NSD3: variants seen among roughly 807,000 people sequenced by gnomAD.
NSD3 encodes the protein nuclear receptor binding SET domain protein 3, also known as histone-lysine N-methyltransferase NSD3.
In NSD3, 24 loss-of-function variants were observed where a neutral mutation model predicts 160.8. The ratio of observed to expected loss-of-function variants is 0.15; its 90% CI spans 0.11 to 0.21. The LOEUF (loss-of-function observed/expected upper bound fraction) is 0.21. NSD3 is among the 10% of genes least tolerant of loss of function. NSD3 has a pLI of 1.00. For synonymous variants in NSD3, 520 were observed against 600.0 expected, an observed-to-expected ratio of 0.87 and a Z score of 1.95; for missense variants, 1,157 against 1,735.9, an observed-to-expected ratio of 0.67 and a Z score of 5.93.
Position 38,357,118 on chromosome 8 carries a change from C to CAAAAAAAAAAAAAA in NSD3, c.-44-8917_-44-8904dup, listed in dbSNP as rs966483645. On this transcript the variant is annotated intron_variant, in intron 1 of 23. Transcript: ENST00000317025. Reference sequence around the variant, plus strand: ...TGGGTGACAAAGCAAGACACCATCTCAAAAAAAAAAAAAAAAAAAAAAAAA... The same window carrying CAAAAAAAAAAAAAA: ...TGGGTGACAAAGCAAGACACCATCTCAAAAAAAAAAAAAAAAAAAAAAAAAAAAAAAAAAAAAAA... Among the ~76,000 whole-genome samples, 5 of 21,318 alleles carry CAAAAAAAAAAAAAA rather than the reference C, an allele frequency of 2.3e-4. 1 individual carries two copies. Among genetic ancestry groups the CAAAAAAAAAAAAAA allele is most frequent in the Non-Finnish European group, 3.3e-4 (4 of 12,082 alleles). 14.0% of individuals were successfully genotyped at this position (21,318 alleles called of 152,430 possible). A position where few individuals can be genotyped will look rare whatever the true frequency, so the allele number is the denominator to read the frequency against.
chr8:38,317,316 G>C lies in NSD3; in HGVS notation c.1856-1274C>G. The C allele has an allele frequency of 9.4e-7, 1 of 1,058,208 alleles. No individual in the cohort carries two copies. Among genetic ancestry groups the C allele is most frequent in the Non-Finnish European group, 1.1e-6 (1 of 874,680 alleles). 65.6% of individuals were successfully genotyped at this position (1,058,208 alleles called of 1,614,324 possible). A position where few individuals can be genotyped will look rare whatever the true frequency, so the allele number is the denominator to read the frequency against. On this transcript the variant is annotated intron_variant, in intron 9 of 23. Transcript: ENST00000317025. The surrounding 1 kb of genome is among the most constrained non-coding windows in gnomAD (Gnocchi z 5.3). Reference sequence around the variant, plus strand: ...TGTTAATGCTGATTAAAAAACACAAGTACACAAATCTATCTCCTTCATTGC... The same window carrying C: ...TGTTAATGCTGATTAAAAAACACAACTACACAAATCTATCTCCTTCATTGC...
intron 4 of NSD3, among the ~76,000 whole-genome samples, chr8:38,333,472 T>C (rs1810119543): frequency 6.6e-6 from 1 of 152,230 alleles, no homozygotes; most frequent in Non-Finnish European, 1.5e-5. Context: ...AAAATAGAAT[T>C]GTGATCCAAA....
intron 1 of NSD3, among the ~76,000 whole-genome samples, chr8:38,372,796 G>A (rs558293224): frequency 2.8e-4 from 41 of 148,054 alleles, no homozygotes; most frequent in African/African-American, 9.7e-4. Flanking sequence ...GCGCCCGGCC[G>A]CAGGTTCTTA....
rs180689072 is a variant in NSD3, at chr8:38,279,565, T to C, written c.3735A>G (p.Leu1245=). The C allele has an allele frequency of 2.7e-5, 44 of 1,613,974 alleles. No homozygotes were observed. Among genetic ancestry groups the C allele is most frequent in the African/African-American group, 8.0e-5 (6 of 74,900 alleles). ...CTGCAGGAATATCACAGAGAGCAAATAGTCCCACTCGAACATCTCCATTCA... is the reference window on the plus strand; with the variant it reads ...CTGCAGGAATATCACAGAGAGCAAACAGTCCCACTCGAACATCTCCATTCA... ...WTVNGDVRVG[L]FALCDIPAGM... Residue 1245 remains leucine, a synonymous_variant, in exon 21 of 24, where the codon CTA becomes CTG. Transcript: ENST00000317025.
At position 38,347,923 on chromosome 8, in the gene NSD3, T is replaced by C. The variant is rs562928589; in HGVS notation, c.249A>G (p.Gln83=). The C allele has an allele frequency of 3.7e-6, 6 of 1,614,120 alleles. No homozygotes were observed. The highest frequency in any genetic ancestry group is 4.2e-6 in the Non-Finnish European group (5 of 1,180,042). ...YPSSISVYET[Q]TKYQSYNQYP... ...ACTGATTATATGACTGGTATTTGGT[T>C]TGAGTTTCATACACACTGATTGATG... Residue 83 remains glutamine, a synonymous_variant, in exon 2 of 24, where the codon CAA becomes CAG. Transcript: ENST00000317025.
chr8:38,307,032 G>A (rs1451566571), intron 12 of NSD3, among the ~76,000 whole-genome samples: 2 of 150,692 alleles, frequency 1.3e-5, no homozygotes, highest in East Asian at 1.9e-4. Context: ...GGAGAATGGC[G>A]TCAACCCGGG....
rs750567471 is a variant in NSD3 at position 38,299,468 on chromosome 8, C to A, written c.2734G>T (p.Ala912Ser). ...CCTTTCTCACATTTCTTTTTGGAAG[C>A]TGACGAAGAAGGAATCATAGGTAAT... ...MKLPMIPSSS[A>S]SKKKCEKGGR... Residue 912 changes from alanine (A) to serine (S), a missense_variant, in exon 15 of 24, where the codon GCT becomes TCT. Physicochemically the swap from Ala to Ser is moderately conservative, Grantham distance 99. Coordinates refer to ENST00000317025, the MANE Select transcript of NSD3 (RefSeq NM_023034.2). 1.9e-6 allele frequency: 3 copies of A among 1,611,054 alleles called. No individual in the cohort carries two copies. The South Asian group carries it at 3.3e-5, about 18-fold the overall frequency.
intron 1 of NSD3, among the ~76,000 whole-genome samples, chr8:38,364,211 A>T (rs747301589): frequency 3.0e-4 from 46 of 152,208 alleles, no homozygotes; most frequent in Middle Eastern, 6.8e-3. Context: ...TGGGAGGTGG[A>T]GGTTGCAGTG....
chr8:38,358,330 C>CGGTGT (rs1810874513), intron 1 of NSD3, among the ~76,000 whole-genome samples: 1 of 152,154 alleles, frequency 6.6e-6, no homozygotes. Context: ...CAGAGGAAGA[C>CGGTGT]GGTGGTCTTC....
chr8:38,352,403 T>A (rs998642701), intron 1 of NSD3, among the ~76,000 whole-genome samples: 1 of 152,200 alleles, frequency 6.6e-6, no homozygotes, highest in Non-Finnish European at 1.5e-5. Context: ...ATTTTCTTAG[T>A]GTCACCTCAG....
intron 1 of NSD3, among the ~76,000 whole-genome samples, chr8:38,379,076 C>G (rs12681196): frequency 0.22 from 32,479 of 150,820 alleles, 3,692 homozygotes; most frequent in East Asian, 0.31. Context: ...GTGTAAGAGA[C>G]GGCATTTGTT....
At chr8:38,368,682 C>T (rs935838588) in intron 1 of NSD3, among the ~76,000 whole-genome samples, 1 of 152,130 alleles carries the variant, frequency 6.6e-6, no homozygotes, top group African/African-American at 2.4e-5. Flanking sequence ...CCCTGTTTCC[C>T]TTATCTATCT....
At chr8:38,350,509 C>T (rs1003810389) in intron 1 of NSD3, among the ~76,000 whole-genome samples, 2 of 152,178 alleles carry the variant, frequency 1.3e-5, no homozygotes, top group African/African-American at 4.8e-5. Flanking sequence ...TGTTCATATC[C>T]TTCGCCCACT....
intron 1 of NSD3, among the ~76,000 whole-genome samples, chr8:38,361,343 T>C (rs1002963020): frequency 6.6e-6 from 1 of 151,458 alleles, no homozygotes; most frequent in Admixed American, 6.6e-5. Context: ...TTGGCCAGAC[T>C]GGTCTCCAAC....
intron 1 of NSD3, among the ~76,000 whole-genome samples, chr8:38,376,366 TCTA>T (rs1343714598): frequency 6.6e-6 from 1 of 152,056 alleles, no homozygotes; most frequent in Non-Finnish European, 1.5e-5. Context: ...TTTAACTCTT[TCTA>T]CTAAATATAC....
chr8:38,337,154 GA>G (rs1247952418), intron 4 of NSD3, 150 bp downstream of exon 4: 35,999 of 511,946 alleles, frequency 0.07, 7 homozygotes, highest in East Asian at 0.11. Flanking sequence ...AAAAAAAAAA[GA>G]AAAAAAAAAA....
chr8:38,278,502 C>T (rs1808665035), intron 21 of NSD3, 90 bp from the exon 22 acceptor site: 5 of 1,135,838 alleles, frequency 4.4e-6, no homozygotes, highest in Middle Eastern at 2.0e-4. Flanking sequence ...AAAAAAGAGA[C>T]ATCATTTTGG....
At chr8:38,358,863 G>A (rs1035385471) in intron 1 of NSD3, among the ~76,000 whole-genome samples, 6 of 151,952 alleles carry the variant, frequency 3.9e-5, no homozygotes, top group African/African-American at 1.2e-4. Flanking sequence ...GGAGATTCTC[G>A]TTTTACAATT....
chr8:38,276,185 T>C, intron 23 of NSD3, 111 bp downstream of exon 23: 7 of 1,258,086 alleles, frequency 5.6e-6, no homozygotes, highest in Non-Finnish European at 7.7e-6. Flanking sequence ...AATTTTTCGC[T>C]ATTGTTTGTT....
Sources: gnomAD v4.1 joint callset for allele counts (sites outside exome capture counted in the v4.1 genomes callset) on GRCh38, gnomAD v4.1.1 for gene constraint, Gnocchi (gnomAD v3.1) non-coding constraint, MANE v1.5 for transcripts, NCBI Gene and HGNC (gene_info 2026-07-23, HGNC 2026-07-21) for gene names.